OR4C11: variants seen among roughly 807,000 people sequenced by gnomAD.
OR4C11 encodes the protein olfactory receptor 4C11.
Under a neutral mutation model 14.7 loss-of-function variants are expected in OR4C11, and 15 were observed. The ratio of observed to expected loss-of-function variants is 1.02; its 90% CI spans 0.68 to 1.58. The LOEUF is 1.58. Among genes scored for constraint, OR4C11 ranks in the 40% most tolerant of loss-of-function variants. OR4C11 has a pLI of 0.00. For missense variants in OR4C11, 473 were observed against 383.0 expected, an observed-to-expected ratio of 1.24 and a Z score of -1.96; for synonymous variants, 146 against 135.0, an observed-to-expected ratio of 1.08 and a Z score of -0.57.
Position 55,603,695 on chromosome 11 carries a change from T to C in OR4C11, c.679A>G (p.Ser227Gly). 1 of 1,486,338 alleles carries C rather than the reference T, an allele frequency of 6.7e-7. No individual in the cohort carries two copies. Among genetic ancestry groups the C allele is most frequent in the African/African-American group, 1.4e-5 (1 of 72,720 alleles). The allele number at this position is 1,486,338 out of a possible 1,614,324, so 92.1% of individuals were successfully genotyped here. ...AGAGCCTTTTTCTTCCCTTTGGCACTGTGGTTTCTCAGTGAATGCAAGATG... is the reference window on the plus strand; with the variant it reads ...AGAGCCTTTTTCTTCCCTTTGGCACCGTGGTTTCTCAGTGAATGCAAGATG... ...IVILHSLRNH[S>G]AKGKKKALSA... is the part of the protein sequence containing the mutation. Residue 227 changes from serine to glycine, a missense_variant, in exon 4 of 4, where the codon AGT becomes GGT. Physicochemically the swap from Ser to Gly is moderately conservative, Grantham distance 56 (BLOSUM62 0). Transcript: ENST00000641580.
rs144808796 is a variant in OR4C11, at chr11:55,604,156, G to T, written c.218C>A (p.Thr73Asn). The T allele has an allele frequency of 1.1e-4, 164 of 1,469,356 alleles. 23 individuals are homozygous for T. In the African/African-American group the frequency reaches 1.8e-3, roughly 16 times the overall value. The allele number at this position is 1,469,356 out of a possible 1,614,324, so 91.0% of individuals were successfully genotyped here. The change falls in exon 4 of 4, where the codon ACT becomes AAT. Residue 73 changes from threonine to asparagine, a missense_variant. Physicochemically the swap from Thr to Asn is moderately conservative, Grantham distance 65 (BLOSUM62 0). Transcript: ENST00000641580. ...CACAATTAATCTAGGGGCTGTGGAA[G>T]TTGAAAAGCAAGAATCTGCAAAGGA... is the stretch of plus-strand genomic sequence containing the variant. ...YLSFADSCFS[T>N]STAPRLIVDA...
Position 55,603,582 on chromosome 11 carries a change from G to A in OR4C11, c.792C>T (p.Pro264=), listed in dbSNP as rs1857913486. 4.1e-6 allele frequency: 6 copies of A among 1,480,156 alleles called. 2 individuals are homozygous for A. The highest frequency in any genetic ancestry group is 5.5e-6 in the Non-Finnish European group (6 of 1,086,380). The allele number at this position is 1,480,156 out of a possible 1,614,324, so 91.7% of individuals were successfully genotyped here. ...AAAATACTGCCACCATCTTGTCCAT[G>A]GGGAAAGTGGTCGGGGGGCGTGTAT... is the stretch of plus-strand genomic sequence containing the variant. ...FIYTRPPTTF[P]MDKMVAVFYT... is the part of the protein sequence containing the mutation. The change falls in exon 4 of 4, where the codon CCC becomes CCT. Residue 264 remains proline (P), a synonymous_variant. Transcript: ENST00000641580.
chr11:55,603,480 CT>C lies in OR4C11; in HGVS notation c.893del (p.Lys298SerfsTer18). 1.4e-6 allele frequency: 2 copies of C among 1,465,952 alleles called. No individual in the cohort carries two copies. The highest frequency in any genetic ancestry group is 1.8e-6 in the Non-Finnish European group (2 of 1,082,846). The allele number at this position is 1,465,952 out of a possible 1,614,324, so 90.8% of individuals were successfully genotyped here. ...CTGAAATAATTTTGCCATGCCATAA[CT>C]TTCTCATGGCATTTTTCACTTCTGC... ...RNAEVKNAMR[K>X]LWHGKIISEN... On this transcript the variant is annotated frameshift_variant, in exon 4 of 4. Coordinates refer to ENST00000641580, the MANE Select transcript of OR4C11 (RefSeq NM_001004700.3). LOFTEE classifies it high-confidence loss of function.
chr11:55,604,575 A>ATAT lies in OR4C11; in HGVS notation c.-44-161_-44-159dup, dbSNP rs1367592541. Among the ~76,000 whole-genome samples, 2 of 138,240 alleles carry ATAT rather than the reference A, an allele frequency of 1.4e-5. 1 individual carries two copies. Among genetic ancestry groups the ATAT allele is most frequent in the Non-Finnish European group, 3.2e-5 (2 of 62,262 alleles). The allele number at this position is 138,240 out of a possible 152,430, so 90.7% of individuals were successfully genotyped here. A position where few individuals can be genotyped will look rare whatever the true frequency, so the allele number is the denominator to read the frequency against. Reference sequence around the variant, plus strand: ...GTAACTATTCAATATATTTACCAAAATATTATTATTATTATTTTTGAAACA... The same window carrying ATAT: ...GTAACTATTCAATATATTTACCAAAATATTATTATTATTATTATTTTTGAAACA... On this transcript the variant is annotated intron_variant, in intron 3 of 3. Transcript: ENST00000641580.
chr11:55,606,210 GCACACACA>G lies in OR4C11; in HGVS notation c.-207+304_-207+311del, dbSNP rs35363992. 1.5e-5 allele frequency among the ~76,000 whole-genome samples: 2 copies of G among 132,526 alleles called. 1 individual carries two copies. The highest frequency in any genetic ancestry group is 3.3e-5 in the Non-Finnish European group (2 of 59,916). 86.9% of individuals were successfully genotyped at this position (132,526 alleles called of 152,430 possible). ...GCTGTGTGTTTATATGCACACGCACGCACACACACACACACACAAAATTGTCCCTGACA... is the reference window on the plus strand; with the variant it reads ...GCTGTGTGTTTATATGCACACGCACGCACACACACAAAATTGTCCCTGACA... On this transcript the variant is annotated intron_variant, in intron 2 of 3. Transcript: ENST00000641580.
Position 55,606,537 on chromosome 11 carries a change from G to A in OR4C11, c.-222C>T, listed in dbSNP as rs1440016203. On this transcript the variant is annotated 5_prime_UTR_variant, in exon 2 of 4. Transcript: ENST00000641580. Reference sequence around the variant, plus strand: ...AAAGCTTTACCTTGGGAGATGGGTTGTTATTCACCTTGTGATGGCATATCC... The same window carrying A: ...AAAGCTTTACCTTGGGAGATGGGTTATTATTCACCTTGTGATGGCATATCC... The A allele has an allele frequency of 1.4e-5, 2 of 138,276 alleles. No individual in the cohort carries two copies. The highest frequency in any genetic ancestry group is 2.4e-4 in the South Asian group (1 of 4,224). The allele number at this position is 138,276 out of a possible 1,614,324, so 8.6% of individuals were successfully genotyped here.
rs557062254 is a variant in OR4C11 at position 55,607,047 on chromosome 11, A to G, written c.-365+240T>C. ...AAATTCTTATAGATCCAAATCATTA[A>G]TGTTTTATACTATTTTATATTTAGC... On this transcript the variant is annotated intron_variant, in intron 1 of 3. Transcript: ENST00000641580. 2.2e-5 allele frequency among the ~76,000 whole-genome samples: 3 copies of G among 138,752 alleles called. 1 individual carries two copies. The highest frequency in any genetic ancestry group is 1.6e-4 in the Admixed American group (2 of 12,824). The allele number at this position is 138,752 out of a possible 152,430, so 91.0% of individuals were successfully genotyped here. A position where few individuals can be genotyped will look rare whatever the true frequency, so the allele number is the denominator to read the frequency against.
At position 55,603,673 on chromosome 11, in the gene OR4C11, G is replaced by T; in HGVS notation, c.701C>A (p.Ala234Asp). 1 of 1,479,116 alleles carries T rather than the reference G, an allele frequency of 6.8e-7. No individual in the cohort carries two copies. Among genetic ancestry groups the T allele is most frequent in the African/African-American group, 1.4e-5 (1 of 72,588 alleles). 91.6% of individuals were successfully genotyped at this position (1,479,116 alleles called of 1,614,324 possible). The change falls in exon 4 of 4, where the codon GCT (alanine) becomes GAT (aspartate). Residue 234 changes from alanine (A) to aspartate (D), a missense_variant. By Grantham distance (126) the Ala-to-Asp change is moderately radical. Transcript: ENST00000641580. ...TATGTGAGACGTGCAAGCGGAGAGA[G>T]CCTTTTTCTTCCCTTTGGCACTGTG... ...RNHSAKGKKKALSACTSHIIV... is the reference protein window; with the variant it reads ...RNHSAKGKKKDLSACTSHIIV...
rs1160099398 is a variant in OR4C11 at position 55,604,997 on chromosome 11, C to T, written c.-45+129G>A. 3.6e-5 allele frequency: 5 copies of T among 138,228 alleles called. 1 individual carries two copies. The highest frequency in any genetic ancestry group is 1.3e-4 in the African/African-American group (5 of 39,988). 8.6% of individuals were successfully genotyped at this position (138,228 alleles called of 1,614,324 possible). A position where few individuals can be genotyped will look rare whatever the true frequency, so the allele number is the denominator to read the frequency against. On this transcript the variant is annotated intron_variant, in intron 3 of 3. Coordinates refer to ENST00000641580, the MANE Select transcript of OR4C11 (RefSeq NM_001004700.3). ...GTATGTGGGTGTGTGTGCACACACA[C>T]ACACATACACAGAGAAAGAGACAAT...
chr11:55,605,706 A>G (rs1333946186), intron 2 of OR4C11, among the ~76,000 whole-genome samples: 1 of 138,544 alleles, frequency 7.2e-6, no homozygotes, highest in Non-Finnish European at 1.6e-5. Flanking sequence ...TATGACACAA[A>G]TGAACATTGG....
chr11:55,603,715 A>G lies in OR4C11; in HGVS notation c.659T>C (p.Leu220Ser). 6.7e-7 allele frequency: 1 copy of G among 1,491,048 alleles called. No homozygotes were observed. The highest frequency in any genetic ancestry group is 9.1e-7 in the Non-Finnish European group (1 of 1,095,900). The allele number at this position is 1,491,048 out of a possible 1,614,324, so 92.4% of individuals were successfully genotyped here. Residue 220 changes from leucine to serine, a missense_variant, in exon 4 of 4, where the codon TTG (leucine) becomes TCG (serine). Leu to Ser is a moderately radical substitution (Grantham distance 145, BLOSUM62 -2). Transcript: ENST00000641580. ...MILIISYIVI[L>S]HSLRNHSAKG... ...GGCACTGTGGTTTCTCAGTGAATGC[A>G]AGATGACAATATATGAAATTATCAA...
Position 55,604,223 on chromosome 11 carries a change from G to C in OR4C11, c.151C>G (p.Arg51Gly). 5 of 1,478,746 alleles carry C rather than the reference G, an allele frequency of 3.4e-6. 1 individual carries two copies. The highest frequency in any genetic ancestry group is 4.6e-6 in the Non-Finnish European group (5 of 1,085,756). 91.6% of individuals were successfully genotyped at this position (1,478,746 alleles called of 1,614,324 possible). A position where few individuals can be genotyped will look rare whatever the true frequency, so the allele number is the denominator to read the frequency against. ...MLIIVTIKSSRTLGSPMYFFL... is the reference protein window; with the variant it reads ...MLIIVTIKSSGTLGSPMYFFL... The stretch of plus-strand genomic sequence containing the variant: ...AAGTACATGGGGCTTCCTAGTGTCC[G>C]GCTGGACTTGATGGTCACAATAATG... The change falls in exon 4 of 4, where the codon CGG becomes GGG. Residue 51 changes from arginine to glycine, a missense_variant. Transcript: ENST00000641580.
In OR4C11 at chr11:55,606,209, C is replaced by T. The variant is rs1857958187; in HGVS notation, c.-207+313G>A. Among the ~76,000 whole-genome samples the T allele has an allele frequency of 4.0e-5, 5 of 123,828 alleles. 1 individual carries two copies. The highest frequency in any genetic ancestry group is 1.8e-4 in the Admixed American group (2 of 11,070). The allele number at this position is 123,828 out of a possible 152,430, so 81.2% of individuals were successfully genotyped here. On this transcript the variant is annotated intron_variant, in intron 2 of 3. Coordinates refer to ENST00000641580, the MANE Select transcript of OR4C11 (RefSeq NM_001004700.3). Reference sequence around the variant, plus strand: ...AGCTGTGTGTTTATATGCACACGCACGCACACACACACACACACAAAATTG... The same window carrying T: ...AGCTGTGTGTTTATATGCACACGCATGCACACACACACACACACAAAATTG...
rs1228308870 is a variant in OR4C11 at position 55,606,995 on chromosome 11, C to A, written c.-365+292G>T. On this transcript the variant is annotated intron_variant, in intron 1 of 3. Coordinates refer to ENST00000641580, the MANE Select transcript of OR4C11 (RefSeq NM_001004700.3). Reference sequence around the variant, plus strand: ...TTATAAAAAAGTAGGTTTTTGATATCTGTTGAATGAATCAAAGAATTAAGA... The same window carrying A: ...TTATAAAAAAGTAGGTTTTTGATATATGTTGAATGAATCAAAGAATTAAGA... 8.0e-5 allele frequency among the ~76,000 whole-genome samples: 11 copies of A among 137,910 alleles called. 2 individuals carry two copies. The highest frequency in any genetic ancestry group is 2.4e-4 in the Admixed American group (3 of 12,622). 90.5% of individuals were successfully genotyped at this position (137,910 alleles called of 152,430 possible).
At position 55,602,552 on chromosome 11, in the gene OR4C11, C is replaced by T. The variant is rs1029549902; in HGVS notation, c.*889G>A. Reference sequence around the variant, plus strand: ...TAGGACAGAATAAATAGAGATGTAACTTCCTATAGCAGTAGTGGGTTCCCT... The same window carrying T: ...TAGGACAGAATAAATAGAGATGTAATTTCCTATAGCAGTAGTGGGTTCCCT... On this transcript the variant is annotated 3_prime_UTR_variant, in exon 4 of 4. Transcript: ENST00000641580. 2 of 138,434 alleles carry T rather than the reference C, an allele frequency of 1.4e-5. 1 individual carries two copies. Among genetic ancestry groups the T allele is most frequent in the South Asian group, 4.7e-4 (2 of 4,240 alleles). 8.6% of individuals were successfully genotyped at this position (138,434 alleles called of 1,614,324 possible).
In OR4C11 at chr11:55,603,870, T is replaced by C; in HGVS notation, c.504A>G (p.Gly168=). The C allele has an allele frequency of 3.4e-6, 5 of 1,491,374 alleles. 1 individual carries two copies. Among genetic ancestry groups the C allele is most frequent in the Non-Finnish European group, 4.6e-6 (5 of 1,096,882 alleles). 92.4% of individuals were successfully genotyped at this position (1,491,374 alleles called of 1,614,324 possible). A position where few individuals can be genotyped will look rare whatever the true frequency, so the allele number is the denominator to read the frequency against. ...AGCAATAATGATCAATCAAATAGGG[T>C]CCACAGAAAGGCAATCTTAAGGCCA... is the stretch of plus-strand genomic sequence containing the variant. The part of the protein sequence containing the change: ...IILALRLPFC[G]PYLIDHYCCD... The change falls in exon 4 of 4, where the codon GGA becomes GGG. Residue 168 remains glycine, a synonymous_variant. Transcript: ENST00000641580.
At position 55,604,031 on chromosome 11, in the gene OR4C11, G is replaced by A; in HGVS notation, c.343C>T (p.Leu115Phe). Residue 115 changes from leucine to phenylalanine, a missense_variant, in exon 4 of 4, where the codon CTC becomes TTC. Physicochemically the swap from Leu to Phe is conservative, Grantham distance 22 (BLOSUM62 0). Coordinates refer to ENST00000641580, the MANE Select transcript of OR4C11 (RefSeq NM_001004700.3). ...GCCACATAGCGATCAACAGCCATGA[G>A]AATGAGGACAAAGATCTCCATGCAG... ...FGCMEIFVLI[L>F]MAVDRYVAIC... 1 of 1,486,976 alleles carries A rather than the reference G, an allele frequency of 6.7e-7. No individual in the cohort carries two copies. The highest frequency in any genetic ancestry group is 9.2e-7 in the Non-Finnish European group (1 of 1,092,336). The allele number at this position is 1,486,976 out of a possible 1,614,324, so 92.1% of individuals were successfully genotyped here.
chr11:55,605,755 A>T (rs1380527743), intron 2 of OR4C11, among the ~76,000 whole-genome samples: 1 of 138,916 alleles, frequency 7.2e-6, no homozygotes, highest in Non-Finnish European at 1.6e-5. Context: ...TCTCCTTATT[A>T]TAAAGATTAT....
chr11:55,604,148 C>A lies in OR4C11; in HGVS notation c.226G>T (p.Ala76Ser), dbSNP rs753199652. ...AGAGCATCCACAATTAATCTAGGGG[C>A]TGTGGAAGTTGAAAAGCAAGAATCT... Reference protein sequence around the residue: ...FADSCFSTSTAPRLIVDALSE... With the variant: ...FADSCFSTSTSPRLIVDALSE... The change falls in exon 4 of 4, where the codon GCC (alanine) becomes TCC (serine). Residue 76 changes from alanine to serine, a missense_variant. Physicochemically the swap from Ala to Ser is moderately conservative, Grantham distance 99. Transcript: ENST00000641580. 4.8e-6 allele frequency: 7 copies of A among 1,461,056 alleles called. 3 individuals carry two copies. Among genetic ancestry groups the A allele is most frequent in the Non-Finnish European group, 6.5e-6 (7 of 1,072,686 alleles). The allele number at this position is 1,461,056 out of a possible 1,614,324, so 90.5% of individuals were successfully genotyped here. A position where few individuals can be genotyped will look rare whatever the true frequency, so the allele number is the denominator to read the frequency against.
Sources: allele counts gnomAD v4.1 joint callset (sites outside exome capture counted in the v4.1 genomes callset), GRCh38; gene constraint gnomAD v4.1.1; transcripts MANE v1.5; gene names NCBI Gene and HGNC (gene_info 2026-07-23, HGNC 2026-07-21).